The following TMEM132C variants were observed in gnomAD, a reference collection of about 807,000 sequenced individuals.
The protein encoded by TMEM132C is protein phosphatase 1, regulatory subunit 152.
In TMEM132C, 29 loss-of-function variants were observed where a neutral mutation model predicts 61.4. That is an observed-to-expected ratio of 0.47 (90% CI 0.35 to 0.64). The LOEUF is 0.64. TMEM132C is among the 30% of genes least tolerant of loss of function. TMEM132C has a pLI of 0.00. For synonymous variants in TMEM132C, 656 were observed against 633.1 expected, an observed-to-expected ratio of 1.04 and a Z score of -0.54; for missense variants, 1,408 against 1,476.9, an observed-to-expected ratio of 0.95 and a Z score of 0.76.
At position 128,267,484 on chromosome 12, in the gene TMEM132C, A is replaced by G. The variant is rs1592990148; in HGVS notation, c.82A>G (p.Lys28Glu). The G allele has an allele frequency of 3.2e-6, 4 of 1,263,646 alleles. No individual in the cohort carries two copies. Among genetic ancestry groups the G allele is most frequent in the Middle Eastern group, 3.0e-4 (1 of 3,280 alleles). 78.3% of individuals were successfully genotyped at this position (1,263,646 alleles called of 1,614,324 possible). The change falls in exon 1 of 9, where the codon AAA becomes GAA. Residue 28 changes from lysine (K) to glutamate (E), a missense_variant. Transcript: ENST00000435159. ...LSLLLGALLG[K>E]VIEGHGVTDN... ...CCTGCTGCTGGGCGCGCTGCTGGGC[A>G]AAGGTAAGGCCGGGGCGGGTGCCTG... is the stretch of plus-strand genomic sequence containing the variant.
chr12:128,347,608 A>G (rs934700146), intron 1 of TMEM132C, among the ~76,000 whole-genome samples: 4 of 152,142 alleles, frequency 2.6e-5, no homozygotes, highest in Non-Finnish European at 5.9e-5. Flanking sequence ...TTGTATTTTT[A>G]GTAGAGACAG....
At chr12:128,628,029 C>T (rs552768700) in intron 4 of TMEM132C, among the ~76,000 whole-genome samples, 4 of 152,262 alleles carry the variant, frequency 2.6e-5, no homozygotes, top group South Asian at 2.1e-4. Flanking sequence ...CCAGGCCTGC[C>T]GCACACTCTG....
At chr12:128,623,161 C>T (rs1165070632) in intron 4 of TMEM132C, among the ~76,000 whole-genome samples, 1 of 152,120 alleles carries the variant, frequency 6.6e-6, no homozygotes, top group Admixed American at 6.6e-5. Flanking sequence ...ATACCCACTG[C>T]CTGCCAGAGT....
chr12:128,654,351 G>C (rs1011127943), intron 4 of TMEM132C, among the ~76,000 whole-genome samples: 2 of 152,162 alleles, frequency 1.3e-5, no homozygotes, highest in East Asian at 3.9e-4. Flanking sequence ...ATGCTAGGAA[G>C]AGGCAGGGAA....
intron 1 of TMEM132C, among the ~76,000 whole-genome samples, chr12:128,388,595 C>T (rs1276104321): frequency 6.6e-6 from 1 of 152,188 alleles, no homozygotes; most frequent in Non-Finnish European, 1.5e-5. Flanking sequence ...TCCGCAGCCT[C>T]TGACCAGCTT....
At chr12:128,393,021 A>G (rs917713475) in intron 1 of TMEM132C, among the ~76,000 whole-genome samples, 18 of 152,156 alleles carry the variant, frequency 1.2e-4, no homozygotes. Context: ...GAAACCTAAA[A>G]ATGGGTGGTT....
At chr12:128,684,316 AAT>A (rs1360189029) in intron 5 of TMEM132C, among the ~76,000 whole-genome samples, 4 of 140,960 alleles carry the variant, frequency 2.8e-5, no homozygotes, top group African/African-American at 1.3e-4. Flanking sequence ...AGATGAGGAA[AAT>A]GAATCCTAAA....
rs1247394844 is a variant in TMEM132C at position 128,466,879 on chromosome 12, C to G, written c.974+51259C>G. The stretch of plus-strand genomic sequence containing the variant: ...TGGACATTCAGGTTTGGAGCCCTGA[C>G]ACTTGGCTACATAGGGGAAGAGATA... On this transcript the variant is annotated intron_variant, in intron 2 of 8. Transcript: ENST00000435159. Among the ~76,000 whole-genome samples the G allele has an allele frequency of 2.6e-5, 4 of 152,200 alleles. No homozygotes were observed. The East Asian group carries it at 7.7e-4, about 29-fold the overall frequency.
At chr12:128,567,080 C>T (rs533679724) in intron 3 of TMEM132C, among the ~76,000 whole-genome samples, 1 of 152,280 alleles carries the variant, frequency 6.6e-6, no homozygotes, top group South Asian at 2.1e-4. Context: ...GCAAATTCAG[C>T]TTATTGACCC....
At chr12:128,626,128 T>C (rs938437332) in intron 4 of TMEM132C, among the ~76,000 whole-genome samples, 1 of 121,632 alleles carries the variant, frequency 8.2e-6, no homozygotes, top group Non-Finnish European at 1.8e-5. Context: ...TCTTTCTTTC[T>C]TTTTTTTTTT....
At chr12:128,595,798 C>T (rs986911560) in intron 3 of TMEM132C, among the ~76,000 whole-genome samples, 6 of 152,222 alleles carry the variant, frequency 3.9e-5, no homozygotes, top group South Asian at 2.1e-4. Context: ...CACCTGGTGA[C>T]GTCACACTGA....
At chr12:128,480,664 G>A (rs548242460) in intron 2 of TMEM132C, among the ~76,000 whole-genome samples, 32 of 152,146 alleles carry the variant, frequency 2.1e-4, no homozygotes, top group Non-Finnish European at 4.0e-4. Context: ...GGGAATTCCC[G>A]AGCTTCCCAC....
At chr12:128,407,155 G>T (rs1178627316) in intron 1 of TMEM132C, among the ~76,000 whole-genome samples, 1 of 152,112 alleles carries the variant, frequency 6.6e-6, no homozygotes, top group Non-Finnish European at 1.5e-5. Context: ...AATCATCAGG[G>T]CAGGTTTTTG....
intron 4 of TMEM132C, among the ~76,000 whole-genome samples, chr12:128,662,455 G>GA (rs1413306354): frequency 2.0e-5 from 3 of 152,204 alleles, no homozygotes; most frequent in African/African-American, 7.2e-5. Context: ...ATAATAGCAA[G>GA]AAAAGGGCAG....
chr12:128,315,191 A>G (rs2030109422), intron 1 of TMEM132C, among the ~76,000 whole-genome samples: 1 of 152,162 alleles, frequency 6.6e-6, no homozygotes, highest in African/African-American at 2.4e-5. Flanking sequence ...GCAGACAGGC[A>G]TGTGAAAGTC....
chr12:128,499,327 G>A (rs1872076671), intron 2 of TMEM132C, among the ~76,000 whole-genome samples: 1 of 152,142 alleles, frequency 6.6e-6, no homozygotes, highest in Non-Finnish European at 1.5e-5. Context: ...ATGTTTTGAT[G>A]CAGGCATACA....
intron 2 of TMEM132C, among the ~76,000 whole-genome samples, chr12:128,512,001 G>T (rs910205017): frequency 2.0e-5 from 3 of 152,088 alleles, no homozygotes; most frequent in Non-Finnish European, 2.9e-5. Context: ...ACTCCCAAGG[G>T]CTGCTGTGTC....
chr12:128,617,323 T>C (rs1422267333), intron 4 of TMEM132C, among the ~76,000 whole-genome samples: 1 of 152,340 alleles, frequency 6.6e-6, no homozygotes, highest in East Asian at 1.9e-4. Context: ...CCACGCTGGC[T>C]TCTTCACAGC....
chr12:128,603,727 A>T (rs1205227740), intron 3 of TMEM132C, among the ~76,000 whole-genome samples: 2 of 152,130 alleles, frequency 1.3e-5, no homozygotes, highest in African/African-American at 4.8e-5. Flanking sequence ...TCCAGGACTC[A>T]GGGTGCGGTA....
Sources: allele counts gnomAD v4.1 joint callset (sites outside exome capture counted in the v4.1 genomes callset), GRCh38; gene constraint gnomAD v4.1.1; transcripts MANE v1.5; gene names NCBI Gene and HGNC (gene_info 2026-07-23, HGNC 2026-07-21).